The following PRKN variants were observed in gnomAD, a reference collection of about 807,000 sequenced individuals.
The protein encoded by PRKN is parkin RBR E3 ubiquitin protein ligase.
PRKN carries 56 observed loss-of-function variants against 59.5 expected under a neutral mutation model. The ratio of observed to expected loss-of-function variants is 0.94; its 90% CI spans 0.76 to 1.18. The LOEUF (loss-of-function observed/expected upper bound fraction) is 1.18, where lower values mean the gene tolerates loss of function less well. Ranked by LOEUF, PRKN falls within the 50% of genes most tolerant of loss-of-function variation. The pLI is 0.00. For missense variants in PRKN, 657 were observed against 596.4 expected (o/e 1.10, Z -1.06); for synonymous variants, 250 against 222.1 (o/e 1.13, Z -1.12).
At chr6:161,481,928 C>A (rs1035311494) in intron 9 of PRKN, among the ~76,000 whole-genome samples, 1 of 149,902 alleles carries the variant, frequency 6.7e-6, no homozygotes, top group Admixed American at 6.8e-5. Flanking sequence ...AGGGGGGAAG[C>A]CAAAAGAAAC....
Position 161,409,833 on chromosome 6 carries a change from C to T in PRKN, c.1084-22956G>A, listed in dbSNP as rs1787439432. ...GTTAATTCCCAAGGTTCTCAGCATT[C>T]CTCAGATCAATAGAACTGTGATGTA... is the stretch of plus-strand genomic sequence containing the variant. On this transcript the variant is annotated intron_variant, in intron 9 of 11. Transcript: ENST00000366898. This position sits in a 1 kb window ranked among gnomAD's most constrained non-coding sequence, Gnocchi z 4.6. 2.0e-5 allele frequency among the ~76,000 whole-genome samples: 3 copies of T among 152,186 alleles called. No individual in the cohort carries two copies. The South Asian group carries it at 6.2e-4, about 32-fold the overall frequency.
chr6:161,959,990 C>T (rs1324529923), intron 6 of PRKN, among the ~76,000 whole-genome samples: 1 of 152,174 alleles, frequency 6.6e-6, no homozygotes, highest in Non-Finnish European at 1.5e-5. Context: ...AACCTGCACA[C>T]CTACAGACCT....
chr6:162,631,187 C>T (rs1388157433), intron 1 of PRKN, among the ~76,000 whole-genome samples: 3 of 152,136 alleles, frequency 2.0e-5, no homozygotes, highest in African/African-American at 7.2e-5. Context: ...GCAGAGTCAT[C>T]TGTATTAGGT....
intron 7 of PRKN, among the ~76,000 whole-genome samples, chr6:161,702,056 A>C (rs1402334605): frequency 6.6e-6 from 1 of 152,216 alleles, no homozygotes; most frequent in African/African-American, 2.4e-5. Context: ...CTGTTTCAGA[A>C]TGATCTAGTC....
chr6:161,552,875 T>C lies in PRKN; in HGVS notation c.934-3872A>G, dbSNP rs2064417. Among the ~76,000 whole-genome samples the C allele has an allele frequency of 0.47, 70,000 of 149,676 alleles. 16,623 individuals carry two copies. The highest frequency in any genetic ancestry group is 0.67 in the East Asian group (3,307 of 4,972). Reference sequence around the variant, plus strand: ...GCGCAATCTCGGCTCACTGCAACCTTCATCTCTTGGGTTCAAGCGATTCTC... The same window carrying C: ...GCGCAATCTCGGCTCACTGCAACCTCCATCTCTTGGGTTCAAGCGATTCTC... On this transcript the variant is annotated intron_variant, in intron 8 of 11. Coordinates refer to ENST00000366898, the MANE Select transcript of PRKN (RefSeq NM_004562.3). This position sits in a 1 kb window ranked among gnomAD's most constrained non-coding sequence, Gnocchi z 4.9.
intron 4 of PRKN, among the ~76,000 whole-genome samples, chr6:162,164,827 G>C (rs1782909479): frequency 6.8e-6 from 1 of 147,598 alleles, no homozygotes; most frequent in Non-Finnish European, 1.5e-5. Flanking sequence ...GACACTAGAG[G>C]CCTATTTCTC....
At chr6:161,608,872 T>C (rs1782384868) in intron 7 of PRKN, among the ~76,000 whole-genome samples, 1 of 152,116 alleles carries the variant, frequency 6.6e-6, no homozygotes, top group Admixed American at 6.5e-5. Context: ...CATCTTGGGC[T>C]CTTTCACTGA....
intron 6 of PRKN, among the ~76,000 whole-genome samples, chr6:161,944,327 G>A (rs1007010149): frequency 2.0e-5 from 3 of 152,216 alleles, no homozygotes; most frequent in African/African-American, 7.2e-5. Flanking sequence ...AGGGTTTCCA[G>A]GATACCCTGT....
chr6:161,801,149 G>A (rs1283391305), intron 6 of PRKN, among the ~76,000 whole-genome samples: 3 of 152,182 alleles, frequency 2.0e-5, no homozygotes, highest in East Asian at 1.9e-4. Context: ...CACCGGTGAC[G>A]GAGCAGGCAC....
rs191698590 is a variant in PRKN, at chr6:161,399,034, C to A, written c.1084-12157G>T. The stretch of plus-strand genomic sequence containing the variant: ...CCCTATATAAACTCCAAACCCCAGG[C>A]TCCATGAGCAGAAGAGCAGCAGAGG... On this transcript the variant is annotated intron_variant, in intron 9 of 11. Transcript: ENST00000366898. The surrounding 1 kb of genome is among the most constrained non-coding windows in gnomAD (Gnocchi z 4.4). Among the ~76,000 whole-genome samples, 1 of 152,238 alleles carries A rather than the reference C, an allele frequency of 6.6e-6. No individual in the cohort carries two copies. The highest frequency in any genetic ancestry group is 1.5e-5 in the Non-Finnish European group (1 of 68,022).
intron 1 of PRKN, among the ~76,000 whole-genome samples, chr6:162,634,262 T>A (rs892029576): frequency 1.3e-5 from 2 of 152,040 alleles, no homozygotes; most frequent in Non-Finnish European, 2.9e-5. Flanking sequence ...AGGTGGTAAA[T>A]GTTTTTGGCT....
chr6:161,941,261 C>T (rs916826627), intron 6 of PRKN, among the ~76,000 whole-genome samples: 4 of 152,178 alleles, frequency 2.6e-5, no homozygotes, highest in African/African-American at 7.2e-5. Flanking sequence ...CAGACACAGG[C>T]GGCTGGACGT....
intron 2 of PRKN, among the ~76,000 whole-genome samples, chr6:162,413,288 C>A (rs1441245013): frequency 6.6e-6 from 1 of 152,122 alleles, no homozygotes; most frequent in Non-Finnish European, 1.5e-5. Flanking sequence ...CAGCTTCAGA[C>A]CACGACACAC....
At chr6:162,259,256 C>T (rs1199576737) in intron 3 of PRKN, among the ~76,000 whole-genome samples, 2 of 152,140 alleles carry the variant, frequency 1.3e-5, no homozygotes, top group Non-Finnish European at 2.9e-5. Context: ...CTCTCACCGA[C>T]CTGCCTCTGT....
chr6:161,632,299 C>T (rs553873893), intron 7 of PRKN, among the ~76,000 whole-genome samples: 1 of 152,136 alleles, frequency 6.6e-6, no homozygotes, highest in East Asian at 1.9e-4. Context: ...AAGGGTTATT[C>T]TAGGATTTAC....
chr6:161,652,132 A>G (rs1183006572), intron 7 of PRKN, among the ~76,000 whole-genome samples: 15 of 152,256 alleles, frequency 9.9e-5, no homozygotes. Flanking sequence ...ACTTTAGTTT[A>G]TGCAGACATC....
At chr6:162,131,339 A>G (rs6455800) in intron 4 of PRKN, among the ~76,000 whole-genome samples, 16,357 of 152,252 alleles carry the variant, frequency 0.11, 1,114 homozygotes, top group African/African-American at 0.19. Context: ...TAATGCAATA[A>G]TGGCCAAATG....
intron 2 of PRKN, among the ~76,000 whole-genome samples, chr6:162,405,981 C>T (rs1196203669): frequency 1.3e-5 from 2 of 152,136 alleles, no homozygotes; most frequent in African/African-American, 4.8e-5. Context: ...AACAAGCAAG[C>T]AATGGAATGG....
intron 1 of PRKN, among the ~76,000 whole-genome samples, chr6:162,445,689 TAAAAAAAAAAAAAAAAAAAAA>T (rs71004091): frequency 1.7e-4 from 5 of 28,732 alleles, no homozygotes; most frequent in Non-Finnish European, 2.7e-4. Flanking sequence ...AGACCTTGTC[TAAAAAAAAAAAAAAAAAAAAA>T]AAAAAAAAAA....
Sources: gnomAD v4.1 joint callset for allele counts (sites outside exome capture counted in the v4.1 genomes callset) on GRCh38, gnomAD v4.1.1 for gene constraint, Gnocchi (gnomAD v3.1) non-coding constraint, MANE v1.5 for transcripts, NCBI Gene and HGNC (gene_info 2026-07-23, HGNC 2026-07-21) for gene names.